TNR: variants seen among roughly 807,000 people sequenced by gnomAD.
The protein encoded by TNR is tenascin R.
In TNR, 45 loss-of-function variants were observed where a neutral mutation model predicts 150.4. The ratio of observed to expected loss-of-function variants is 0.30; its 90% CI spans 0.24 to 0.38. The LOEUF (loss-of-function observed/expected upper bound fraction) is 0.38. TNR is among the 10% of genes least tolerant of loss of function. The probability of loss-of-function intolerance (pLI) is 1.00; values close to 1 mark genes in which losing one functional copy is unlikely to be tolerated. For synonymous variants in TNR, 687 were observed against 678.4 expected (o/e 1.01, Z -0.20); for missense variants, 1,544 against 1,759.1 (o/e 0.88, Z 2.19).
In TNR at chr1:175,346,493, G is replaced by A. The variant is rs1020493391; in HGVS notation, c.3382+7898C>T. 3.3e-5 allele frequency among the ~76,000 whole-genome samples: 5 copies of A among 152,128 alleles called. No homozygotes were observed. The East Asian group carries it at 9.6e-4, about 29-fold the overall frequency. On this transcript the variant is annotated intron_variant, in intron 18 of 22. Coordinates refer to ENST00000367674, the MANE Select transcript of TNR (RefSeq NM_003285.3). ...CAGGACTATGTATCTGAAATCTAAA[G>A]TCTGGTTCTTTGAAAATATTAATAA...
chr1:175,602,260 A>G (rs1212480943), intron 1 of TNR, among the ~76,000 whole-genome samples: 1 of 151,254 alleles, frequency 6.6e-6, no homozygotes, highest in Non-Finnish European at 1.5e-5. Context: ...TCAAAAGGAC[A>G]TGCGATCTAC....
chr1:175,374,847 C>G (rs1302615346), intron 9 of TNR, among the ~76,000 whole-genome samples: 1 of 152,166 alleles, frequency 6.6e-6, no homozygotes, highest in Non-Finnish European at 1.5e-5. Flanking sequence ...ACCGTATGGG[C>G]CTGGCTCCTT....
intron 21 of TNR, among the ~76,000 whole-genome samples, chr1:175,325,068 A>C (rs1025228516): frequency 1.3e-5 from 2 of 152,208 alleles, no homozygotes; most frequent in Admixed American, 1.3e-4. Flanking sequence ...AAACATAACC[A>C]TGTCAAAGGA....
chr1:175,469,066 C>A (rs1481168423), intron 2 of TNR, among the ~76,000 whole-genome samples: 1 of 151,952 alleles, frequency 6.6e-6, no homozygotes, highest in East Asian at 1.9e-4. Context: ...GCCACCTAAC[C>A]AAGATAGAGA....
In TNR at chr1:175,365,155, C is replaced by T. The variant is rs750368722; in HGVS notation, c.2442G>A (p.Glu814=). 2.5e-6 allele frequency: 4 copies of T among 1,614,138 alleles called. No homozygotes were observed. Among genetic ancestry groups the T allele is most frequent in the African/African-American group, 1.3e-5 (1 of 75,032 alleles). Residue 814 remains glutamate (E), a synonymous_variant, in exon 12 of 23, where the codon GAG becomes GAA. Transcript: ENST00000367674. ...LILNYSPRDE[E]EEMMEVSLDA... ...CCAGGGAGACCTCCATCATCTCTTC[C>T]TCCTCATCCCTGGGGCTGTAGTTAA... is the stretch of plus-strand genomic sequence containing the variant.
chr1:175,729,709 T>C (rs1275495268), intron 1 of TNR, among the ~76,000 whole-genome samples: 1 of 152,176 alleles, frequency 6.6e-6, no homozygotes, highest in Admixed American at 6.5e-5. Flanking sequence ...TGGTGTCATT[T>C]TTATGAAACT....
chr1:175,476,677 A>C (rs1384001251), intron 2 of TNR, among the ~76,000 whole-genome samples: 2 of 152,222 alleles, frequency 1.3e-5, no homozygotes, highest in African/African-American at 4.8e-5. Context: ...TGGAAAGTGG[A>C]GTAATTTATC....
chr1:175,630,706 G>C (rs1664298833), intron 1 of TNR, among the ~76,000 whole-genome samples: 1 of 152,126 alleles, frequency 6.6e-6, no homozygotes. Flanking sequence ...TCACTGTTAG[G>C]CATCCTTTTA....
intron 1 of TNR, among the ~76,000 whole-genome samples, chr1:175,644,130 A>G (rs1181118407): frequency 2.6e-5 from 4 of 152,244 alleles, no homozygotes; most frequent in Non-Finnish European, 5.9e-5. Flanking sequence ...GATTGTTACT[A>G]CAAATTAGGG....
At chr1:175,717,973 G>A (rs1667198208) in intron 1 of TNR, among the ~76,000 whole-genome samples, 1 of 152,202 alleles carries the variant, frequency 6.6e-6, no homozygotes, top group Non-Finnish European at 1.5e-5. Flanking sequence ...GACTGAGCCT[G>A]GAGATTGTGG....
At chr1:175,469,575 T>C (rs704815) in intron 2 of TNR, among the ~76,000 whole-genome samples, 110,324 of 151,542 alleles carry the variant, frequency 0.73, 41,114 homozygotes, top group African/African-American at 0.91. Flanking sequence ...CACATAAAAA[T>C]GTGGAGGAGC....
intron 1 of TNR, among the ~76,000 whole-genome samples, chr1:175,592,050 T>G (rs1662821133): frequency 6.6e-6 from 1 of 152,170 alleles, no homozygotes; most frequent in Non-Finnish European, 1.5e-5. Context: ...ACTTGAGAGT[T>G]TTTTTACTGC....
intron 1 of TNR, among the ~76,000 whole-genome samples, chr1:175,556,285 G>A (rs1661157075): frequency 6.6e-6 from 1 of 152,220 alleles, no homozygotes; most frequent in African/African-American, 2.4e-5. Context: ...ACATCAGTTA[G>A]TAGGCAGTTT....
intron 2 of TNR, among the ~76,000 whole-genome samples, chr1:175,469,071 T>C (rs1197008468): frequency 6.6e-6 from 1 of 151,954 alleles, no homozygotes; most frequent in African/African-American, 2.4e-5. Flanking sequence ...CTAACCAAGA[T>C]AGAGAATTCA....
At chr1:175,552,342 A>C (rs1375081296) in intron 1 of TNR, among the ~76,000 whole-genome samples, 3 of 152,206 alleles carry the variant, frequency 2.0e-5, no homozygotes, top group Non-Finnish European at 4.4e-5. Context: ...TCCTTCTGCT[A>C]ACCCCCACAA....
intron 2 of TNR, among the ~76,000 whole-genome samples, chr1:175,481,422 G>A (rs1367252369): frequency 6.6e-6 from 1 of 152,170 alleles, no homozygotes; most frequent in African/African-American, 2.4e-5. Flanking sequence ...TCTGAGATGA[G>A]TTCCAGTGTG....
At chr1:175,648,620 T>G (rs1413312733) in intron 1 of TNR, among the ~76,000 whole-genome samples, 2 of 152,294 alleles carry the variant, frequency 1.3e-5, no homozygotes, top group African/African-American at 4.8e-5. Flanking sequence ...CTTCTCTCAC[T>G]TGCCTGTTCG....
chr1:175,323,869 C>T (rs1018879289), intron 22 of TNR, among the ~76,000 whole-genome samples: 2 of 152,058 alleles, frequency 1.3e-5, no homozygotes, highest in African/African-American at 4.8e-5. Context: ...GGTGACAAAC[C>T]CTTTTGGTTT....
At chr1:175,337,042 GCCA>G (rs1351754588) in intron 19 of TNR, among the ~76,000 whole-genome samples, 1 of 152,118 alleles carries the variant, frequency 6.6e-6, no homozygotes, top group African/African-American at 2.4e-5. Flanking sequence ...ACAGGCATGT[GCCA>G]CCATGACCAG....
Sources: gnomAD v4.1 joint callset for allele counts (sites outside exome capture counted in the v4.1 genomes callset) on GRCh38, gnomAD v4.1.1 for gene constraint, MANE v1.5 for transcripts, NCBI Gene and HGNC (gene_info 2026-07-23, HGNC 2026-07-21) for gene names.